Variants in KCNIP4 observed in about 807,000 individuals in gnomAD.
KCNIP4 encodes potassium voltage-gated channel interacting protein 4, also known as Kv channel-interacting protein 4.
A neutral mutation model predicts 34.0 loss-of-function variants in KCNIP4; 12 were observed. The observed-to-expected ratio is 0.35, with a 90% confidence interval of 0.23 to 0.57. The LOEUF (loss-of-function observed/expected upper bound fraction) is 0.57. KCNIP4 is among the 20% of genes least tolerant of loss of function. KCNIP4 has a pLI of 0.83. For synonymous variants in KCNIP4, 124 were observed against 102.2 expected, an observed-to-expected ratio of 1.21 and a Z score of -1.29; for missense variants, 238 against 311.7, an observed-to-expected ratio of 0.76 and a Z score of 1.78.
chr4:20,927,630 A>G (rs1730031603), intron 1 of KCNIP4, among the ~76,000 whole-genome samples: 1 of 152,300 alleles, frequency 6.6e-6, no homozygotes, highest in East Asian at 1.9e-4. Context: ...CCCCCAAAAA[A>G]TTAAAATAAA....
intron 1 of KCNIP4, among the ~76,000 whole-genome samples, chr4:21,715,089 A>T (rs868376251): frequency 6.5e-5 from 1 of 15,272 alleles, no homozygotes; most frequent in Non-Finnish European, 8.9e-5. Context: ...ATTTTATTTT[A>T]TTTATTTTTG....
At chr4:21,576,663 C>A (rs1560529929) in intron 1 of KCNIP4, among the ~76,000 whole-genome samples, 1 of 152,114 alleles carries the variant, frequency 6.6e-6, no homozygotes, top group Non-Finnish European at 1.5e-5. Flanking sequence ...TAGAAGACTT[C>A]AAAGTAATTT....
At chr4:21,458,995 CTCT>C (rs1729212385) in intron 1 of KCNIP4, among the ~76,000 whole-genome samples, 1 of 152,070 alleles carries the variant, frequency 6.6e-6, no homozygotes, top group Non-Finnish European at 1.5e-5. Flanking sequence ...TCCAGCTCTC[CTCT>C]TATTTCCCCT....
At chr4:21,281,453 A>G (rs6858044) in intron 1 of KCNIP4, among the ~76,000 whole-genome samples, 4,938 of 152,264 alleles carry the variant, frequency 0.032, 300 homozygotes, top group African/African-American at 0.11. Flanking sequence ...TAGGTGACAT[A>G]CATGGACTGA....
At chr4:21,579,487 T>C (rs1741034443) in intron 1 of KCNIP4, among the ~76,000 whole-genome samples, 1 of 152,224 alleles carries the variant, frequency 6.6e-6, no homozygotes, top group Non-Finnish European at 1.5e-5. Flanking sequence ...TGTAAACTGC[T>C]TGCTATGTAA....
chr4:20,996,841 C>T (rs545101465), intron 1 of KCNIP4, among the ~76,000 whole-genome samples: 1 of 148,664 alleles, frequency 6.7e-6, no homozygotes, highest in African/African-American at 2.5e-5. Context: ...CATGTGGGCC[C>T]TTTACCGACC....
intron 1 of KCNIP4, among the ~76,000 whole-genome samples, chr4:21,241,043 G>T (rs1452459976): frequency 6.6e-6 from 1 of 152,052 alleles, no homozygotes; most frequent in East Asian, 1.9e-4. Flanking sequence ...CTTATTTTGA[G>T]TGCTTATATA....
At chr4:20,856,638 C>T (rs1721611343) in intron 2 of KCNIP4, among the ~76,000 whole-genome samples, 1 of 152,108 alleles carries the variant, frequency 6.6e-6, no homozygotes, top group Non-Finnish European at 1.5e-5. Context: ...TATTCCTGCT[C>T]AACTTTCTGA....
At position 21,352,999 on chromosome 4, in the gene KCNIP4, C is replaced by A. The variant is rs190795544; in HGVS notation, c.62-470290G>T. ...GTAGCCTCCTCTGGTGATACCCAGG[C>A]AAACAGGGTCTGAAGTGGACCTCCA... On this transcript the variant is annotated intron_variant, in intron 1 of 8. Coordinates refer to ENST00000382152, the MANE Select transcript of KCNIP4 (RefSeq NM_025221.6). 1.7e-4 allele frequency among the ~76,000 whole-genome samples: 26 copies of A among 152,268 alleles called. No homozygotes were observed. The East Asian group carries it at 4.1e-3, about 24-fold the overall frequency.
At position 21,304,381 on chromosome 4, in the gene KCNIP4, C is replaced by T. The variant is rs575689067; in HGVS notation, c.62-421672G>A. Among the ~76,000 whole-genome samples, 8 of 152,282 alleles carry T rather than the reference C, an allele frequency of 5.3e-5. No individual in the cohort carries two copies. In the South Asian group the frequency reaches 1.5e-3, roughly 28 times the overall value. ...GAACGTCCCGAGGAAACATGAGGCCCGGCGCGGAGGAGATGGCTCTGCGCC... is the reference window on the plus strand; with the variant it reads ...GAACGTCCCGAGGAAACATGAGGCCTGGCGCGGAGGAGATGGCTCTGCGCC... On this transcript the variant is annotated intron_variant, in intron 1 of 8. Coordinates refer to ENST00000382152, the MANE Select transcript of KCNIP4 (RefSeq NM_025221.6).
chr4:21,796,826 A>G (rs571083262), intron 1 of KCNIP4, among the ~76,000 whole-genome samples: 1 of 152,356 alleles, frequency 6.6e-6, no homozygotes, highest in South Asian at 2.1e-4. Flanking sequence ...TCAAGATTAC[A>G]TGTTCCGGAA....
intron 1 of KCNIP4, among the ~76,000 whole-genome samples, chr4:21,416,099 G>A (rs1724933557): frequency 6.6e-6 from 1 of 152,218 alleles, no homozygotes; most frequent in Non-Finnish European, 1.5e-5. Flanking sequence ...AGTTGCTTTA[G>A]CTCCACATAG....
chr4:20,881,681 G>A (rs994337476), intron 2 of KCNIP4, among the ~76,000 whole-genome samples: 8 of 152,210 alleles, frequency 5.3e-5, no homozygotes, highest in African/African-American at 1.9e-4. Context: ...GATGGAGAAT[G>A]TGATGGTTAA....
intron 5 of KCNIP4, among the ~76,000 whole-genome samples, chr4:20,736,861 A>C (rs1263931637): frequency 1.3e-5 from 2 of 152,224 alleles, no homozygotes; most frequent in Admixed American, 1.3e-4. Context: ...AATTTTAAGA[A>C]AGAAAAACAA....
intron 1 of KCNIP4, chr4:21,845,381 T>G (rs1312269492): frequency 6.6e-6 from 1 of 152,130 alleles, no homozygotes; most frequent in Non-Finnish European, 1.5e-5. Flanking sequence ...AGTAACAATA[T>G]TATTCTTCTT....
intron 1 of KCNIP4, among the ~76,000 whole-genome samples, chr4:21,143,306 T>C (rs1752104856): frequency 6.6e-6 from 1 of 152,166 alleles, no homozygotes; most frequent in Admixed American, 6.6e-5. Flanking sequence ...CAAAGCTCCA[T>C]TGCTGGTTTG....
chr4:21,287,456 A>G (rs954350571), intron 1 of KCNIP4, among the ~76,000 whole-genome samples: 1 of 152,202 alleles, frequency 6.6e-6, no homozygotes, highest in African/African-American at 2.4e-5. Context: ...CAATGAACAG[A>G]GTTCTGTAAA....
chr4:20,825,150 A>C (rs2149449747), intron 3 of KCNIP4, among the ~76,000 whole-genome samples: 1 of 151,896 alleles, frequency 6.6e-6, no homozygotes, highest in South Asian at 2.1e-4. Context: ...GGATTTGAGA[A>C]ATTTGGTCTT....
chr4:21,260,049 C>T (rs753283319), intron 1 of KCNIP4, among the ~76,000 whole-genome samples: 8 of 152,146 alleles, frequency 5.3e-5, no homozygotes, highest in Non-Finnish European at 1.0e-4. Context: ...TGCATTAAAA[C>T]ACAGGCTTCA....
Sources: allele counts gnomAD v4.1 joint callset (sites outside exome capture counted in the v4.1 genomes callset), GRCh38; gene constraint gnomAD v4.1.1; transcripts MANE v1.5; gene names NCBI Gene and HGNC (gene_info 2026-07-23, HGNC 2026-07-21).